Variants in PDS5B observed in about 807,000 individuals in gnomAD.
PDS5B encodes sister chromatid cohesion protein PDS5 homolog B.
PDS5B carries 51 observed loss-of-function variants against 184.1 expected under a neutral mutation model. The ratio of observed to expected loss-of-function variants is 0.28; its 90% CI spans 0.22 to 0.35. The LOEUF is 0.35. Among genes scored for constraint, PDS5B ranks in the 10% least tolerant of loss-of-function variants. The probability of loss-of-function intolerance (pLI) is 1.00; values close to 1 mark genes in which losing one functional copy is unlikely to be tolerated. For synonymous variants in PDS5B, 566 were observed against 569.2 expected, an observed-to-expected ratio of 0.99 and a Z score of 0.08; for missense variants, 1,180 against 1,723.3, an observed-to-expected ratio of 0.68 and a Z score of 5.58.
At chr13:32,745,523 C>G (rs562108451) in intron 23 of PDS5B, among the ~76,000 whole-genome samples, 8 of 152,136 alleles carry the variant, frequency 5.3e-5, no homozygotes, top group African/African-American at 1.9e-4. Flanking sequence ...TCTGTATTAG[C>G]CTGCTCAGAC....
chr13:32,665,976 TG>T (rs1194674849), intron 6 of PDS5B, among the ~76,000 whole-genome samples: 1 of 152,062 alleles, frequency 6.6e-6, no homozygotes, highest in Non-Finnish European at 1.5e-5. Context: ...AATAGAATGG[TG>T]GTTATCAGAG....
At chr13:32,755,558 T>C (rs1210742484) in intron 25 of PDS5B, among the ~76,000 whole-genome samples, 1 of 152,174 alleles carries the variant, frequency 6.6e-6, no homozygotes, top group African/African-American at 2.4e-5. Flanking sequence ...ATTTTAAAAC[T>C]GAAATATTTG....
intron 1 of PDS5B, among the ~76,000 whole-genome samples, chr13:32,618,372 T>C (rs768894908): frequency 2.0e-5 from 3 of 152,230 alleles, no homozygotes; most frequent in Non-Finnish European, 4.4e-5. Flanking sequence ...ATTGTTATAA[T>C]TAAACAATTG....
intron 19 of PDS5B, among the ~76,000 whole-genome samples, chr13:32,714,292 G>T (rs1566361103): frequency 6.6e-6 from 1 of 151,910 alleles, no homozygotes; most frequent in African/African-American, 2.4e-5. Context: ...CAACCGGTCT[G>T]ACCAAAATTT....
chr13:32,770,899 A>G (rs901884984), intron 33 of PDS5B, 138 bp downstream of exon 33: 14 of 654,320 alleles, frequency 2.1e-5, no homozygotes, highest in Middle Eastern at 4.1e-4. Context: ...ATTTTTATAA[A>G]CTTACCTTAG....
chr13:32,768,594 A>G (rs552443827), intron 31 of PDS5B, among the ~76,000 whole-genome samples: 1 of 149,956 alleles, frequency 6.7e-6, no homozygotes, highest in South Asian at 2.1e-4. Flanking sequence ...GGAGTTTGAA[A>G]CCAGCCTGGC....
At position 32,586,466 on chromosome 13, in the gene PDS5B, G is replaced by A. The variant is rs1326061375; in HGVS notation, c.-147G>A. The A allele has an allele frequency of 2.0e-5, 3 of 152,112 alleles. No homozygotes were observed. The highest frequency in any genetic ancestry group is 4.4e-5 in the Non-Finnish European group (3 of 68,152). The allele number at this position is 152,112 out of a possible 1,614,324, so 9.4% of individuals were successfully genotyped here. On this transcript the variant is annotated 5_prime_UTR_variant, in exon 1 of 35. Transcript: ENST00000315596. ...GAGCGCTTGGCGCCATTTTGAAGCG[G>A]AGAGGAGGAGGAACGGCAGGGCTGG...
At chr13:32,616,008 A>G (rs1264886124) in intron 1 of PDS5B, among the ~76,000 whole-genome samples, 1 of 152,010 alleles carries the variant, frequency 6.6e-6, no homozygotes, top group African/African-American at 2.4e-5. Context: ...GGTTTTGGAA[A>G]TACATCAAGA....
chr13:32,631,514 A>G (rs1406371181), intron 1 of PDS5B, among the ~76,000 whole-genome samples: 1 of 152,208 alleles, frequency 6.6e-6, no homozygotes, highest in Non-Finnish European at 1.5e-5. Context: ...TCCTACAGTT[A>G]TATTCCCCAG....
At chr13:32,768,361 G>T (rs1043164294) in intron 31 of PDS5B, among the ~76,000 whole-genome samples, 4 of 152,000 alleles carry the variant, frequency 2.6e-5, no homozygotes. Flanking sequence ...TCATCATGAG[G>T]GTGCCACCTC....
intron 1 of PDS5B, among the ~76,000 whole-genome samples, chr13:32,589,245 GAT>G (rs1312773366): frequency 6.6e-6 from 1 of 151,626 alleles, no homozygotes; most frequent in African/African-American, 2.4e-5. Context: ...CAGCCCTTAA[GAT>G]ATCCTGGAAG....
intron 21 of PDS5B, among the ~76,000 whole-genome samples, chr13:32,737,222 A>G (rs1348354679): frequency 6.6e-6 from 1 of 152,114 alleles, no homozygotes; most frequent in Non-Finnish European, 1.5e-5. Context: ...TTTTGTTTCT[A>G]TCAGGCAGTT....
intron 24 of PDS5B, among the ~76,000 whole-genome samples, chr13:32,752,869 C>T (rs1397403848): frequency 6.6e-6 from 1 of 152,124 alleles, no homozygotes; most frequent in Non-Finnish European, 1.5e-5. Flanking sequence ...CTATGTCTGC[C>T]TTAGCCTCCC....
intron 7 of PDS5B, among the ~76,000 whole-genome samples, chr13:32,672,014 A>G (rs1950950988): frequency 6.6e-6 from 1 of 152,156 alleles, no homozygotes; most frequent in Non-Finnish European, 1.5e-5. Flanking sequence ...AAATGATCTG[A>G]GTGTGGAAAC....
chr13:32,676,932 C>CAAAAAAAAAAAAAAAA (rs4057303), intron 9 of PDS5B, among the ~76,000 whole-genome samples: 5 of 78,818 alleles, frequency 6.3e-5, no homozygotes, highest in African/African-American at 2.5e-4. Flanking sequence ...CTCTTGTCTC[C>CAAAAAAAAAAAAAAAA]AAAAAAAAAA....
intron 1 of PDS5B, among the ~76,000 whole-genome samples, chr13:32,613,037 G>A (rs1428385467): frequency 3.3e-5 from 5 of 152,194 alleles, no homozygotes; most frequent in Middle Eastern, 3.4e-3. Context: ...TTCATTCAGC[G>A]CAGTTTTCCA....
intron 19 of PDS5B, among the ~76,000 whole-genome samples, chr13:32,716,855 C>T (rs1458556767): frequency 7.7e-6 from 1 of 129,488 alleles, no homozygotes; most frequent in Non-Finnish European, 1.8e-5. Context: ...GGGGTCAGCC[C>T]CCCGCCCGGC....
intron 25 of PDS5B, 107 bp downstream of exon 25, chr13:32,753,643 A>G: frequency 2.9e-6 from 2 of 693,916 alleles, no homozygotes; most frequent in Non-Finnish European, 4.5e-6. Flanking sequence ...TTTGTGATTA[A>G]CAATTTTTAT....
chr13:32,618,311 G>T (rs970294409), intron 1 of PDS5B, among the ~76,000 whole-genome samples: 1 of 152,184 alleles, frequency 6.6e-6, no homozygotes, highest in Non-Finnish European at 1.5e-5. Flanking sequence ...TTTGCTTTCA[G>T]TGATTTCAGT....
Sources: allele counts gnomAD v4.1 joint callset (sites outside exome capture counted in the v4.1 genomes callset), GRCh38; gene constraint gnomAD v4.1.1; transcripts MANE v1.5; gene names NCBI Gene and HGNC (gene_info 2026-07-23, HGNC 2026-07-21).